Variants in VAV2 observed in about 807,000 individuals in gnomAD.
The protein encoded by VAV2 is guanine nucleotide exchange factor VAV2.
In VAV2, 67 loss-of-function variants were observed where a neutral mutation model predicts 132.5. The observed-to-expected ratio is 0.51, with a 90% confidence interval of 0.42 to 0.62. The LOEUF is 0.62. VAV2 is among the 20% of genes least tolerant of loss of function. The pLI, the probability that VAV2 is intolerant of heterozygous loss-of-function variation, is 0.00. For missense variants in VAV2, 938 were observed against 1,153.6 expected (o/e 0.81, Z 2.71); for synonymous variants, 492 against 443.5 (o/e 1.11, Z -1.37).
At chr9:133,817,681 T>G (rs955735702) in intron 4 of VAV2, among the ~76,000 whole-genome samples, 1 of 152,214 alleles carries the variant, frequency 6.6e-6, no homozygotes, top group Non-Finnish European at 1.5e-5. Context: ...GACTTTTCCC[T>G]CTGCCGTGTG....
At chr9:133,936,242 C>CTTTTT (rs35091336) in intron 2 of VAV2, among the ~76,000 whole-genome samples, 6 of 134,896 alleles carry the variant, frequency 4.4e-5, no homozygotes, top group African/African-American at 1.7e-4. Flanking sequence ...GCCATTGCGT[C>CTTTTT]TTTTTTTTTT....
intron 24 of VAV2, 69 bp downstream of exon 24, chr9:133,775,959 C>T (rs1370462343): frequency 2.6e-6 from 4 of 1,536,854 alleles, no homozygotes; most frequent in Non-Finnish European, 3.5e-6. Flanking sequence ...ACCACCCAGA[C>T]CCGGCGGGCA....
chr9:133,787,175 C>T (rs1325278305), intron 16 of VAV2, 71 bp downstream of exon 16: 58 of 1,457,732 alleles, frequency 4.0e-5, no homozygotes, highest in Non-Finnish European at 4.4e-5. Flanking sequence ...TCCCCTGGCT[C>T]CGGGCAGAAG....
intron 11 of VAV2, 31 bp from the exon 12 acceptor site, chr9:133,795,767 C>A (rs780244901): frequency 1.2e-6 from 2 of 1,608,794 alleles, no homozygotes; most frequent in Non-Finnish European, 1.7e-6. Flanking sequence ...TCATGTGTTA[C>A]CACTCGGGGG....
intron 15 of VAV2, among the ~76,000 whole-genome samples, chr9:133,787,594 A>G (rs1352286003): frequency 6.6e-6 from 1 of 152,112 alleles, no homozygotes; most frequent in African/African-American, 2.4e-5. Flanking sequence ...CTTTCAGAAC[A>G]AGGGCTCCTG....
At chr9:133,959,361 G>A (rs968743113) in intron 1 of VAV2, among the ~76,000 whole-genome samples, 7 of 152,092 alleles carry the variant, frequency 4.6e-5, no homozygotes, top group African/African-American at 1.2e-4. Context: ...CTTCCCCAAC[G>A]GTGACCTCCC....
At chr9:133,974,966 G>T (rs2132269725) in intron 1 of VAV2, among the ~76,000 whole-genome samples, 1 of 152,336 alleles carries the variant, frequency 6.6e-6, no homozygotes, top group South Asian at 2.1e-4. Flanking sequence ...CCCTCCTGCA[G>T]GGCCTTCCAC....
At chr9:133,984,830 C>A (rs1476661696) in intron 1 of VAV2, among the ~76,000 whole-genome samples, 5 of 151,774 alleles carry the variant, frequency 3.3e-5, no homozygotes, top group Admixed American at 3.3e-4. Flanking sequence ...ATTACTTGAA[C>A]CGGGCAGGCA....
chr9:133,764,210 A>T, intron 29 of VAV2, 101 bp from the exon 30 acceptor site: 1 of 1,478,206 alleles, frequency 6.8e-7, no homozygotes, highest in Non-Finnish European at 9.3e-7. Context: ...GCTCATGAAG[A>T]TGGGGGGCCC....
intron 4 of VAV2, among the ~76,000 whole-genome samples, chr9:133,819,628 G>C (rs967531195): frequency 2.0e-5 from 3 of 152,140 alleles, no homozygotes; most frequent in Non-Finnish European, 4.4e-5. Flanking sequence ...ACCCGGTTCT[G>C]CCTGCCACAC....
chr9:133,793,419 G>A (rs941100408), intron 12 of VAV2, among the ~76,000 whole-genome samples: 15 of 145,008 alleles, frequency 1.0e-4, no homozygotes, highest in Middle Eastern at 3.4e-3. Context: ...CACCCACCCC[G>A]CAGGAGGGAA....
intron 2 of VAV2, among the ~76,000 whole-genome samples, chr9:133,893,957 A>T (rs1290973451): frequency 6.6e-6 from 1 of 152,116 alleles, no homozygotes; most frequent in East Asian, 1.9e-4. Context: ...TCTCCACCTT[A>T]CATCTGCAGA....
chr9:133,783,171 C>T lies in VAV2; in HGVS notation c.1723+332G>A, dbSNP rs995803039. ...TTCTGTGATGAGAAACCTCCATGCA[C>T]CTGTTGAGAATGTTCTGTGCCGTGT... On this transcript the variant is annotated intron_variant, in intron 19 of 29. Coordinates refer to ENST00000371850, the MANE Select transcript of VAV2 (RefSeq NM_001134398.2). 2.6e-4 allele frequency among the ~76,000 whole-genome samples: 40 copies of T among 152,264 alleles called. 1 individual carries two copies. The highest frequency in any genetic ancestry group is 8.9e-4 in the African/African-American group (37 of 41,550).
At chr9:133,775,156 T>G in intron 24 of VAV2, 105 bp from the exon 25 acceptor site, 1 of 896,948 alleles carries the variant, frequency 1.1e-6, no homozygotes, top group Admixed American at 2.5e-5. Context: ...TCTGCAGTCC[T>G]CATCTGAGAG....
Position 133,834,259 on chromosome 9 carries a change from C to A in VAV2, c.449+13G>T. 6.3e-7 allele frequency: 1 copy of A among 1,583,512 alleles called. No individual in the cohort carries two copies. The highest frequency in any genetic ancestry group is 1.1e-5 in the South Asian group (1 of 89,096). On this transcript the variant is annotated intron_variant, in intron 4 of 29. Transcript: ENST00000371850. This position sits in a 1 kb window ranked among gnomAD's most constrained non-coding sequence, Gnocchi z 5.9. Reference sequence around the variant, plus strand: ...CCCTCCTCTCCATCCCTCCTCCCATCCCCCCGCCTTACTCGGCCAGCTCCT... The same window carrying A: ...CCCTCCTCTCCATCCCTCCTCCCATACCCCCGCCTTACTCGGCCAGCTCCT...
chr9:133,814,725 A>C lies in VAV2; in HGVS notation c.450-2509T>G, dbSNP rs191027052. On this transcript the variant is annotated intron_variant, in intron 4 of 29. Coordinates refer to ENST00000371850, the MANE Select transcript of VAV2 (RefSeq NM_001134398.2). ...ACAGAGCCCAGGGCTCTCCCCCACCACTCAGGAGCCTGTTCATAAAGGCCC... is the reference window on the plus strand; with the variant it reads ...ACAGAGCCCAGGGCTCTCCCCCACCCCTCAGGAGCCTGTTCATAAAGGCCC... Among the ~76,000 whole-genome samples, 251 of 151,634 alleles carry C rather than the reference A, an allele frequency of 1.7e-3. 1 individual carries two copies. The highest frequency in any genetic ancestry group is 5.9e-3 in the African/African-American group (242 of 41,280).
chr9:133,983,650 T>C (rs1204134732), intron 1 of VAV2, among the ~76,000 whole-genome samples: 1 of 152,072 alleles, frequency 6.6e-6, no homozygotes, highest in African/African-American at 2.4e-5. Context: ...GAACTCTCTC[T>C]CTTCGCCAAC....
chr9:133,916,686 C>A (rs1481698005), intron 2 of VAV2, among the ~76,000 whole-genome samples: 1 of 152,194 alleles, frequency 6.6e-6, no homozygotes, highest in Non-Finnish European at 1.5e-5. Context: ...GCTAGAGGCT[C>A]ACGGCTGGGC....
At position 133,829,855 on chromosome 9, in the gene VAV2, G is replaced by A. The variant is rs149629481; in HGVS notation, c.449+4417C>T. Among the ~76,000 whole-genome samples the A allele has an allele frequency of 1.8e-3, 276 of 152,256 alleles. 3 individuals are homozygous for A. Among genetic ancestry groups the A allele is most frequent in the Non-Finnish European group, 3.0e-3 (201 of 68,020 alleles). On this transcript the variant is annotated intron_variant, in intron 4 of 29. Transcript: ENST00000371850. ...TCTTATTTTTTGACGTGGCTCCGCT[G>A]TAATCCCACCACACTGCCCTGAAAC...
Sources: allele counts gnomAD v4.1 joint callset (sites outside exome capture counted in the v4.1 genomes callset), GRCh38; gene constraint gnomAD v4.1.1; non-coding constraint Gnocchi (gnomAD v3.1); transcripts MANE v1.5; gene names NCBI Gene and HGNC (gene_info 2026-07-23, HGNC 2026-07-21).